Variants in SASH1 observed in about 807,000 individuals in gnomAD.
SASH1 encodes the protein SAM and SH3 domain-containing protein 1.
SASH1 carries 44 observed loss-of-function variants against 125.2 expected under a neutral mutation model. The ratio of observed to expected loss-of-function variants is 0.35; its 90% CI spans 0.28 to 0.45. The LOEUF (loss-of-function observed/expected upper bound fraction) is 0.45. Among genes scored for constraint, SASH1 ranks in the 20% least tolerant of loss-of-function variants. SASH1 has a pLI of 1.00. For synonymous variants in SASH1, 639 were observed against 649.1 expected (o/e 0.98, Z 0.24); for missense variants, 1,426 against 1,614.5 (o/e 0.88, Z 2.00).
At chr6:148,273,368 G>A (rs545198654) in intron 1 of SASH1, among the ~76,000 whole-genome samples, 62 of 144,356 alleles carry the variant, frequency 4.3e-4, no homozygotes, top group African/African-American at 1.5e-3. Context: ...ATGTCAGCTC[G>A]CTGCAACCTC....
At chr6:148,414,581 G>A (rs1057293023) in intron 2 of SASH1, among the ~76,000 whole-genome samples, 2 of 152,184 alleles carry the variant, frequency 1.3e-5, no homozygotes, top group African/African-American at 4.8e-5. Flanking sequence ...TGCCTACAAC[G>A]TGCCAGGCAC....
At chr6:148,456,157 A>G (rs1777334618) in intron 4 of SASH1, among the ~76,000 whole-genome samples, 1 of 152,076 alleles carries the variant, frequency 6.6e-6, no homozygotes, top group African/African-American at 2.4e-5. Context: ...TCTTGAATGG[A>G]GCCTCTTTCC....
the SASH1 span, among the ~76,000 whole-genome samples, chr6:148,205,041 T>C: frequency 6.6e-6 from 1 of 152,180 alleles, no homozygotes; most frequent in Non-Finnish European, 1.5e-5. Context: ...CTCCTCACAA[T>C]GGGTATCGCT....
chr6:148,326,887 A>T (rs148166239), intron 1 of SASH1, among the ~76,000 whole-genome samples: 1 of 152,272 alleles, frequency 6.6e-6, no homozygotes, highest in African/African-American at 2.4e-5. Context: ...CATACTCATT[A>T]CTGCTTCCTA....
intron 2 of SASH1, among the ~76,000 whole-genome samples, chr6:148,414,297 G>A (rs557617435): frequency 6.6e-6 from 1 of 152,152 alleles, no homozygotes; most frequent in African/African-American, 2.4e-5. Context: ...GGATGCAAAT[G>A]TCTTTAGCAG....
intron 11 of SASH1, chr6:148,527,212 T>G: frequency 2.5e-6 from 1 of 401,296 alleles, no homozygotes; most frequent in Non-Finnish European, 4.4e-6. Flanking sequence ...CTGATAAGAA[T>G]GTACTAAAAG....
chr6:148,390,178 A>G lies in SASH1; in HGVS notation c.201A>G (p.Ala67=), dbSNP rs1783639605. 6 of 1,613,714 alleles carry G rather than the reference A, an allele frequency of 3.7e-6. No individual in the cohort carries two copies. Among genetic ancestry groups the G allele is most frequent in the Non-Finnish European group, 4.2e-6 (5 of 1,179,862 alleles). Residue 67 remains alanine (A), a synonymous_variant, in exon 2 of 20, where the codon GCA becomes GCG. Transcript: ENST00000367467. ...GNIDDLAQQY[A]DYYNTCFSDV... ...TCGATGACCTGGCGCAGCAGTATGC[A>G]GATTATTACAACACCTGTTTCTCCG...
chr6:148,400,873 G>T (rs1784142011), intron 2 of SASH1, among the ~76,000 whole-genome samples: 1 of 152,170 alleles, frequency 6.6e-6, no homozygotes. Context: ...TTTGCATTTG[G>T]GATTGTCTTT....
At chr6:148,376,880 A>G (rs1038426670) in intron 1 of SASH1, among the ~76,000 whole-genome samples, 3 of 151,228 alleles carry the variant, frequency 2.0e-5, no homozygotes, top group Non-Finnish European at 4.4e-5. Flanking sequence ...AAAACAAAAG[A>G]TGAAACTCGG....
chr6:148,208,193 G>A, the SASH1 span, among the ~76,000 whole-genome samples: 2 of 152,188 alleles, frequency 1.3e-5, no homozygotes, highest in Non-Finnish European at 1.5e-5. Flanking sequence ...AACTGATTAA[G>A]CCAATCATGG....
At chr6:148,512,997 A>G in intron 8 of SASH1, 1 of 985,308 alleles carries the variant, frequency 1.0e-6, no homozygotes, top group South Asian at 4.7e-5. Flanking sequence ...ATCCCTTACT[A>G]TCCTTGTACT....
At chr6:148,202,962 C>A in the SASH1 span, among the ~76,000 whole-genome samples, 40 of 149,738 alleles carry the variant, frequency 2.7e-4, no homozygotes, top group African/African-American at 8.6e-4. Context: ...AAAAAAAAAA[C>A]AAAAACAAAA....
chr6:148,542,177 CAAAGTAAGTTCAGGGATCTTTCT>C (rs1410502487), intron 17 of SASH1, among the ~76,000 whole-genome samples: 1 of 152,120 alleles, frequency 6.6e-6, no homozygotes, highest in African/African-American at 2.4e-5. Context: ...ACTTTGAACT[CAAAGTAAGTTCAGGGATCTTTCT>C]AATGTAATGC....
chr6:148,534,955 C>G, intron 16 of SASH1, 54 bp downstream of exon 16: 1 of 1,568,002 alleles, frequency 6.4e-7, no homozygotes, highest in East Asian at 2.2e-5. Flanking sequence ...ACAGCAGGCC[C>G]CACGTATGCT....
intron 19 of SASH1, among the ~76,000 whole-genome samples, chr6:148,547,387 C>A (rs1257414294): frequency 6.6e-6 from 1 of 152,112 alleles, no homozygotes; most frequent in African/African-American, 2.4e-5. Flanking sequence ...TCAGACTACT[C>A]AGAATGGCAT....
intron 2 of SASH1, among the ~76,000 whole-genome samples, chr6:148,421,183 AAGAAAGAAAGAAAGAAAG>A (rs1562396644): frequency 6.8e-6 from 1 of 146,862 alleles, no homozygotes; most frequent in African/African-American, 2.5e-5. Flanking sequence ...GAAAGAAAGA[AAGAAAGAAAGAAAGAAAG>A]AAAGAAAGAA....
chr6:148,421,356 T>C (rs1785095463), intron 2 of SASH1, among the ~76,000 whole-genome samples: 4 of 152,164 alleles, frequency 2.6e-5, no homozygotes, highest in Admixed American at 2.6e-4. Context: ...TGGGCTGGAG[T>C]GCAGTGGTGT....
At position 148,379,774 on chromosome 6, in the gene SASH1, G is replaced by A. The variant is rs562940924; in HGVS notation, c.157-10360G>A. 8.5e-5 allele frequency: 32 copies of A among 375,214 alleles called. 1 individual carries two copies. The highest frequency in any genetic ancestry group is 2.0e-4 in the South Asian group (10 of 51,268). The allele number at this position is 375,214 out of a possible 1,614,324, so 23.2% of individuals were successfully genotyped here. On this transcript the variant is annotated intron_variant, in intron 1 of 19. Coordinates refer to ENST00000367467, the MANE Select transcript of SASH1 (RefSeq NM_015278.5). Reference sequence around the variant, plus strand: ...AAAGTTGCCTGGTAACAACAAACACGTAAACAAATAAGTCACCTTTTAAAA... The same window carrying A: ...AAAGTTGCCTGGTAACAACAAACACATAAACAAATAAGTCACCTTTTAAAA...
the SASH1 span, among the ~76,000 whole-genome samples, chr6:148,238,418 TTCA>T: frequency 6.6e-6 from 1 of 152,066 alleles, no homozygotes; most frequent in Non-Finnish European, 1.5e-5. Context: ...GAGACAGAGT[TTCA>T]TCATGTTGGC....
Sources: allele counts gnomAD v4.1 joint callset (sites outside exome capture counted in the v4.1 genomes callset), GRCh38; gene constraint gnomAD v4.1.1; transcripts MANE v1.5; gene names NCBI Gene and HGNC (gene_info 2026-07-23, HGNC 2026-07-21).